MACROD2: variants seen among roughly 807,000 people sequenced by gnomAD.
The protein encoded by MACROD2 is mono-ADP ribosylhydrolase 2, also known as ADP-ribose glycohydrolase MACROD2.
A neutral mutation model predicts 70.4 loss-of-function variants in MACROD2; 36 were observed. The observed-to-expected ratio is 0.51, with a 90% CI of 0.39 to 0.68. The LOEUF (loss-of-function observed/expected upper bound fraction) is 0.68, where lower values mean the gene tolerates loss of function less well. Among genes scored for constraint, MACROD2 ranks in the 30% least tolerant of loss-of-function variants. The pLI is 0.00. For synonymous variants in MACROD2, 172 were observed against 178.8 expected, an observed-to-expected ratio of 0.96 and a Z score of 0.30; for missense variants, 496 against 538.4, an observed-to-expected ratio of 0.92 and a Z score of 0.78.
chr20:15,357,481 A>C (rs1379673659), intron 6 of MACROD2, among the ~76,000 whole-genome samples: 1 of 152,074 alleles, frequency 6.6e-6, no homozygotes, highest in Non-Finnish European at 1.5e-5. Context: ...CAATTTTTAA[A>C]TTTTTCTTCA....
intron 5 of MACROD2, among the ~76,000 whole-genome samples, chr20:14,698,201 G>A (rs927168774): frequency 6.6e-6 from 1 of 152,148 alleles, no homozygotes; most frequent in African/African-American, 2.4e-5. Context: ...GAAAAGACCT[G>A]ATGGTTTTGG....
chr20:15,099,404 C>T (rs913623758), intron 5 of MACROD2, among the ~76,000 whole-genome samples: 4 of 152,152 alleles, frequency 2.6e-5, no homozygotes, highest in Non-Finnish European at 4.4e-5. Context: ...TCTCTCCACA[C>T]ACCTGCAACA....
chr20:14,895,622 T>C (rs1478320532), intron 5 of MACROD2: 1 of 152,170 alleles, frequency 6.6e-6, no homozygotes, highest in African/African-American at 2.4e-5. Context: ...TGTTTACATC[T>C]GAGGAAGAGG....
intron 7 of MACROD2, among the ~76,000 whole-genome samples, chr20:15,481,679 A>T (rs971161302): frequency 1.5e-4 from 22 of 150,964 alleles, no homozygotes; most frequent in African/African-American, 5.0e-4. Flanking sequence ...CATAGAAAAT[A>T]AACATTAAAA....
At chr20:15,143,097 A>G (rs555870729) in intron 5 of MACROD2, among the ~76,000 whole-genome samples, 6 of 152,304 alleles carry the variant, frequency 3.9e-5, no homozygotes, top group African/African-American at 1.4e-4. Flanking sequence ...ACTGTCTTCC[A>G]CAATGGTTGA....
At chr20:15,758,557 A>G (rs565025171) in intron 8 of MACROD2, among the ~76,000 whole-genome samples, 15 of 129,426 alleles carry the variant, frequency 1.2e-4, no homozygotes, top group Non-Finnish European at 2.4e-4. Flanking sequence ...TTTTTTTTTA[A>G]GAAACTGGGT....
intron 8 of MACROD2, among the ~76,000 whole-genome samples, chr20:15,762,951 C>A (rs2051459752): frequency 6.6e-6 from 1 of 152,222 alleles, no homozygotes; most frequent in Non-Finnish European, 1.5e-5. Context: ...TGGTGTCTTA[C>A]ATCCAGATAA....
At chr20:15,977,354 T>G (rs192228096) in intron 13 of MACROD2, among the ~76,000 whole-genome samples, 5 of 152,312 alleles carry the variant, frequency 3.3e-5, no homozygotes, top group Non-Finnish European at 7.4e-5. Flanking sequence ...GGAGATTATC[T>G]CGTTCCACAG....
intron 5 of MACROD2, among the ~76,000 whole-genome samples, chr20:14,952,026 C>T (rs540779360): frequency 1.8e-4 from 28 of 152,070 alleles, no homozygotes; most frequent in East Asian, 1.2e-3. Context: ...TCTCCCATAC[C>T]ATCCTGCCCT....
chr20:14,480,142 AG>A (rs1440693193), intron 3 of MACROD2, among the ~76,000 whole-genome samples: 1 of 152,124 alleles, frequency 6.6e-6, no homozygotes, highest in Non-Finnish European at 1.5e-5. Flanking sequence ...AGCCTCCAAA[AG>A]TGCTGGGATT....
chr20:14,261,378 A>G (rs145517873), intron 3 of MACROD2, among the ~76,000 whole-genome samples: 4 of 152,250 alleles, frequency 2.6e-5, no homozygotes, highest in African/African-American at 9.6e-5. Flanking sequence ...TCTTTTTTCT[A>G]CTTTCGCATT....
intron 5 of MACROD2, among the ~76,000 whole-genome samples, chr20:15,153,109 T>C (rs1342927027): frequency 1.3e-5 from 2 of 152,006 alleles, no homozygotes; most frequent in Non-Finnish European, 2.9e-5. Context: ...AGGGGATTGA[T>C]CTCCCAAGGG....
chr20:15,620,026 G>T (rs1343333408), intron 8 of MACROD2, among the ~76,000 whole-genome samples: 1 of 152,114 alleles, frequency 6.6e-6, no homozygotes, highest in Non-Finnish European at 1.5e-5. Context: ...AGGCAGGGAG[G>T]CTGGTAGGAG....
At chr20:14,353,888 A>C (rs535907520) in intron 3 of MACROD2, among the ~76,000 whole-genome samples, 4 of 152,266 alleles carry the variant, frequency 2.6e-5, no homozygotes, top group Admixed American at 6.5e-5. Flanking sequence ...GGGCAAGGCT[A>C]ATTTTGCTTA....
chr20:14,980,930 G>A (rs1400811039), intron 5 of MACROD2, among the ~76,000 whole-genome samples: 1 of 152,002 alleles, frequency 6.6e-6, no homozygotes, highest in South Asian at 2.1e-4. Context: ...CCAGGCTAGG[G>A]CAGAAGCCTC....
chr20:16,046,034 G>A (rs1860087020), intron 17 of MACROD2, among the ~76,000 whole-genome samples: 1 of 152,064 alleles, frequency 6.6e-6, no homozygotes, highest in Non-Finnish European at 1.5e-5. Context: ...TGAATCATGG[G>A]TCATCTAGTG....
intron 2 of MACROD2, among the ~76,000 whole-genome samples, chr20:14,069,096 C>T (rs1482818819): frequency 6.6e-6 from 1 of 151,968 alleles, no homozygotes; most frequent in African/African-American, 2.4e-5. Context: ...TTACAGGCCC[C>T]CGCCATCGTG....
At chr20:14,905,450 G>C (rs575403366) in intron 5 of MACROD2, 83 of 152,192 alleles carry the variant, frequency 5.5e-4, no homozygotes, top group African/African-American at 2.0e-3. Context: ...CAAGGAGAAG[G>C]AAAGGCAAGG....
At chr20:14,231,658 A>G (rs902808394) in intron 3 of MACROD2, among the ~76,000 whole-genome samples, 2 of 152,198 alleles carry the variant, frequency 1.3e-5, no homozygotes, top group Admixed American at 6.5e-5. Flanking sequence ...TATACCCAGT[A>G]ATGGGATGGC....
Sources: allele counts gnomAD v4.1 joint callset (sites outside exome capture counted in the v4.1 genomes callset), GRCh38; gene constraint gnomAD v4.1.1; transcripts MANE v1.5; gene names NCBI Gene and HGNC (gene_info 2026-07-23, HGNC 2026-07-21).